Variants in CPD observed in about 807,000 individuals in gnomAD.
CPD encodes carboxypeptidase D.
In CPD, 69 loss-of-function variants were observed where a neutral mutation model predicts 138.3. That is an observed-to-expected ratio of 0.50 (90% CI 0.41 to 0.61). The LOEUF is 0.61. CPD is among the 20% of genes least tolerant of loss of function. The pLI is 0.00. For missense variants in CPD, 1,432 were observed against 1,733.3 expected (o/e 0.83, Z 3.09); for synonymous variants, 651 against 642.1 (o/e 1.01, Z -0.21).
In CPD at chr17:30,462,250, G is replaced by A. The variant is rs1597739749; in HGVS notation, c.3817-120G>A. 4.7e-6 allele frequency: 5 copies of A among 1,053,776 alleles called. No individual in the cohort carries two copies. In the East Asian group the frequency reaches 1.2e-4, roughly 26 times the overall value. 65.3% of individuals were successfully genotyped at this position (1,053,776 alleles called of 1,614,324 possible). On this transcript the variant is annotated intron_variant, in intron 19 of 20. Transcript: ENST00000225719. ...AAAAGGGAAAATTTTCTAGCATTTT[G>A]TATACTTTAGATGGCAATGCATCAT...
In CPD at chr17:30,420,827, T is replaced by C; in HGVS notation, c.995-14T>C. On this transcript the variant is annotated splice_polypyrimidine_tract_variant and intron_variant, in intron 2 of 20. Coordinates refer to ENST00000225719, the MANE Select transcript of CPD (RefSeq NM_001304.5). ...TTTCCTTCTGAGAGTAAACTTATTT[T>C]TTCTATGTTACAGGTGGTATGCAAG... The C allele has an allele frequency of 6.3e-7, 1 of 1,599,900 alleles. No individual in the cohort carries two copies. Among genetic ancestry groups the C allele is most frequent in the East Asian group, 2.2e-5 (1 of 44,614 alleles).
intron 2 of CPD, among the ~76,000 whole-genome samples, chr17:30,405,036 G>C (rs891111390): frequency 2.0e-5 from 3 of 152,124 alleles, no homozygotes; most frequent in Non-Finnish European, 4.4e-5. Flanking sequence ...AAACCAAAAA[G>C]TATCTGTCTC....
At chr17:30,446,121 A>G in intron 12 of CPD, 101 bp downstream of exon 12, 2 of 843,940 alleles carry the variant, frequency 2.4e-6, no homozygotes, top group Non-Finnish European at 3.7e-6. Flanking sequence ...ATTTGGGAAC[A>G]GAATGTACAG....
Position 30,464,600 on chromosome 17 carries a change from C to T in CPD, c.3929C>T (p.Ser1310Leu), listed in dbSNP as rs763496882. 19 of 1,613,416 alleles carry T rather than the reference C, an allele frequency of 1.2e-5. No individual in the cohort carries two copies. The highest frequency in any genetic ancestry group is 3.3e-5 in the South Asian group (3 of 91,048). ...LVVTVSGATM[S>L]ALILTACIIW... ...TTTTGTTTGTCAGGTGCTACTATGT[C>T]GGCATTGATCCTAACAGCTTGCATT... Residue 1310 changes from serine (S) to leucine (L), a missense_variant, in exon 21 of 21, where the codon TCG (serine) becomes TTG (leucine). Physicochemically the swap from Ser to Leu is moderately radical, Grantham distance 145 (BLOSUM62 -2). Around this residue, in one of 6 missense-constraint regions of CPD, gnomAD observed 366 missense variants for 518.8 expected, o/e 0.71. Coordinates refer to ENST00000225719, the MANE Select transcript of CPD (RefSeq NM_001304.5).
intron 10 of CPD, among the ~76,000 whole-genome samples, chr17:30,443,245 A>G (rs1181068774): frequency 1.3e-5 from 2 of 152,156 alleles, no homozygotes; most frequent in Non-Finnish European, 1.5e-5. Flanking sequence ...TTCAGCATCT[A>G]TCTCCTAAAA....
chr17:30,453,220 G>A (rs1379998856), intron 14 of CPD, among the ~76,000 whole-genome samples: 2 of 152,116 alleles, frequency 1.3e-5, no homozygotes, highest in Admixed American at 6.6e-5. Context: ...TCTCATCTAA[G>A]ACAGGTCCCT....
At chr17:30,396,649 C>T (rs1013827925) in intron 2 of CPD, among the ~76,000 whole-genome samples, 19 of 152,082 alleles carry the variant, frequency 1.2e-4, no homozygotes, top group Admixed American at 2.0e-4. Context: ...TTAATGGGTA[C>T]GAGTAGATCA....
intron 12 of CPD, among the ~76,000 whole-genome samples, chr17:30,446,991 T>A (rs1340375488): frequency 6.6e-6 from 1 of 152,212 alleles, no homozygotes; most frequent in Non-Finnish European, 1.5e-5. Flanking sequence ...AAGTGTCTGT[T>A]CATATCCTTC....
Position 30,385,038 on chromosome 17 carries a change from C to T in CPD, c.796C>T (p.Pro266Ser), listed in dbSNP as rs1439994786. 6.2e-7 allele frequency: 1 copy of T among 1,613,832 alleles called. No homozygotes were observed. The highest frequency in any genetic ancestry group is 1.3e-5 in the African/African-American group (1 of 74,870). ...TGGTGGCTCAGTGGTAGCAAGCTAT[C>T]CTTTTGATGATTCTCCAGAACATAA... ...LHGGSVVASY[P>S]FDDSPEHKAT... The change falls in exon 2 of 21, where the codon CCT (proline) becomes TCT (serine). Residue 266 changes from proline to serine, a missense_variant. Physicochemically the swap from Pro to Ser is moderately conservative, Grantham distance 74. Coordinates refer to ENST00000225719, the MANE Select transcript of CPD (RefSeq NM_001304.5).
intron 17 of CPD, 47 bp downstream of exon 17, chr17:30,456,573 A>G (rs369788447): frequency 6.9e-5 from 109 of 1,572,940 alleles, no homozygotes; most frequent in Non-Finnish European, 9.2e-5. Flanking sequence ...GCCAGGCACA[A>G]TGCCGTATGT....
At chr17:30,394,858 G>C (rs1597708248) in intron 2 of CPD, among the ~76,000 whole-genome samples, 1 of 151,690 alleles carries the variant, frequency 6.6e-6, no homozygotes, top group South Asian at 2.1e-4. Flanking sequence ...AAACTAATTG[G>C]ATGGTGGGGA....
chr17:30,443,275 T>C (rs1912928578), intron 10 of CPD, among the ~76,000 whole-genome samples: 1 of 152,268 alleles, frequency 6.6e-6, no homozygotes, highest in Admixed American at 6.5e-5. Flanking sequence ...TACTACATAC[T>C]ATCTCTAAGT....
In CPD at chr17:30,462,405, G is replaced by A; in HGVS notation, c.3852G>A (p.Val1284=). The change falls in exon 20 of 21, where the codon GTG becomes GTA. Residue 1284 remains valine, a synonymous_variant. Transcript: ENST00000225719. The stretch of plus-strand genomic sequence containing the variant: ...ATCATGATGCAGCTAGTTCTGTGGT[G>A]ATAGTCTTTGACACAGATAACCGGA... ...FVHHDAASSV[V]IVFDTDNRIF... 3 of 1,613,986 alleles carry A rather than the reference G, an allele frequency of 1.9e-6. No homozygotes were observed. Among genetic ancestry groups the A allele is most frequent in the Non-Finnish European group, 8.5e-7 (1 of 1,179,906 alleles).
At chr17:30,388,768 G>C (rs1045167882) in intron 2 of CPD, among the ~76,000 whole-genome samples, 2 of 152,172 alleles carry the variant, frequency 1.3e-5, no homozygotes, top group African/African-American at 4.8e-5. Context: ...CCAGTGTCTG[G>C]GCCAGGGGCG....
At position 30,451,808 on chromosome 17, in the gene CPD, C is replaced by G; in HGVS notation, c.3167C>G (p.Thr1056Arg). 1 of 1,613,982 alleles carries G rather than the reference C, an allele frequency of 6.2e-7. No individual in the cohort carries two copies. ...EKDCTSKIGQ[T>R]NARGKDLDTD... ...GACTGTACTTCAAAAATAGGACAAA[C>G]AAATGCTCGTGGCAAAGATTTGGAT... is the stretch of plus-strand genomic sequence containing the variant. The change falls in exon 14 of 21, where the codon ACA becomes AGA. Residue 1056 changes from threonine (T) to arginine (R), a missense_variant. By Grantham distance (71) the Thr-to-Arg change is moderately conservative. This residue lies in a region of CPD where 366 missense variants were observed against 518.8 expected (regional missense o/e 0.71). Coordinates refer to ENST00000225719, the MANE Select transcript of CPD (RefSeq NM_001304.5).
chr17:30,379,658 C>A lies in CPD; in HGVS notation c.678C>A (p.Thr226=). The change falls in exon 1 of 21, where the codon ACC becomes ACA. Residue 226 remains threonine (T), a synonymous_variant. Coordinates refer to ENST00000225719, the MANE Select transcript of CPD (RefSeq NM_001304.5). The surrounding 1 kb of genome is among the most constrained non-coding windows in gnomAD (Gnocchi z 7.0). ...LNRSFPDQFS[T]GEPPALDEVP... is the part of the protein sequence containing the mutation. Reference sequence around the variant, plus strand: ...GAAGCTTTCCCGACCAGTTTAGCACCGGCGAACCCCCCGCCCTGGACGAGG... The same window carrying A: ...GAAGCTTTCCCGACCAGTTTAGCACAGGCGAACCCCCCGCCCTGGACGAGG... 1.3e-6 allele frequency: 2 copies of A among 1,523,352 alleles called. No homozygotes were observed. Among genetic ancestry groups the A allele is most frequent in the Non-Finnish European group, 1.7e-6 (2 of 1,151,954 alleles). The allele number at this position is 1,523,352 out of a possible 1,614,324, so 94.4% of individuals were successfully genotyped here.
intron 2 of CPD, among the ~76,000 whole-genome samples, chr17:30,410,667 CT>C (rs1911939607): frequency 6.6e-6 from 1 of 152,286 alleles, no homozygotes; most frequent in African/African-American, 2.4e-5. Flanking sequence ...TTATTAGAGA[CT>C]AGGATTGCAA....
At chr17:30,430,485 T>G (rs1360932538) in intron 7 of CPD, among the ~76,000 whole-genome samples, 1 of 152,246 alleles carries the variant, frequency 6.6e-6, no homozygotes, top group Non-Finnish European at 1.5e-5. Context: ...TTTCTATGGT[T>G]GAATAATAGT....
chr17:30,427,554 T>A lies in CPD; in HGVS notation c.2013T>A (p.His671Gln), dbSNP rs759855143. 2 of 1,613,758 alleles carry A rather than the reference T, an allele frequency of 1.2e-6. No individual in the cohort carries two copies. Among genetic ancestry groups the A allele is most frequent in the Non-Finnish European group, 1.7e-6 (2 of 1,179,718 alleles). ...CATTTGTACTTTCAGCAAACCTGCA[T>A]GGAGGTATGGCAACTTTATATTCTA... Reference protein sequence around the residue: ...SYPFVLSANLHGGSLVVNYPF... With the variant: ...SYPFVLSANLQGGSLVVNYPF... The change falls in exon 7 of 21, where the codon CAT becomes CAA. Residue 671 changes from histidine (H) to glutamine (Q), a missense_variant. Coordinates refer to ENST00000225719, the MANE Select transcript of CPD (RefSeq NM_001304.5).
Sources: gnomAD v4.1 joint callset for allele counts (sites outside exome capture counted in the v4.1 genomes callset) on GRCh38, gnomAD v4.1.1 for gene constraint, gnomAD v4.1.1 regional missense constraint, Gnocchi (gnomAD v3.1) non-coding constraint, MANE v1.5 for transcripts, NCBI Gene and HGNC (gene_info 2026-07-23, HGNC 2026-07-21) for gene names.